ARHGAP6: variants seen among roughly 807,000 people sequenced by gnomAD.
ARHGAP6 encodes rho GTPase-activating protein 6.
A neutral mutation model predicts 55.7 loss-of-function variants in ARHGAP6; 16 were observed. The observed-to-expected ratio is 0.29, with a 90% CI of 0.19 to 0.44. ARHGAP6 has a LOEUF of 0.44. Among genes scored for constraint, ARHGAP6 ranks in the 20% least tolerant of loss-of-function variants. ARHGAP6 has a pLI of 1.00. For synonymous variants in ARHGAP6, 382 were observed against 360.9 expected (o/e 1.06, Z -0.66); for missense variants, 698 against 808.9 (o/e 0.86, Z 1.66).
intron 1 of ARHGAP6, among the ~76,000 whole-genome samples, chrX:11,604,622 A>C (rs773269396): frequency 8.9e-6 from 1 of 112,097 alleles, no homozygotes; most frequent in Non-Finnish European, 1.9e-5. Context: ...TCCAAATAAA[A>C]GTATTTGTGG....
chrX:11,660,854 T>A (rs1448932595), intron 1 of ARHGAP6, among the ~76,000 whole-genome samples: 1 of 111,077 alleles, frequency 9.0e-6, no homozygotes, highest in African/African-American at 3.3e-5. Context: ...AAATGTTCTC[T>A]GGACAGTGAA....
At chrX:11,482,185 G>T (rs1030949736) in intron 1 of ARHGAP6, among the ~76,000 whole-genome samples, 1 of 112,056 alleles carries the variant, frequency 8.9e-6, no homozygotes, top group Non-Finnish European at 1.9e-5. Context: ...TCTACAGTGC[G>T]CAGGATAGTC....
At chrX:11,414,188 T>C (rs2049721322) in intron 1 of ARHGAP6, among the ~76,000 whole-genome samples, 1 of 112,124 alleles carries the variant, frequency 8.9e-6, no homozygotes, top group Admixed American at 9.5e-5. Context: ...AGAGTAAACA[T>C]TTTAGGCTTT....
chrX:11,622,127 T>C (rs1413171265), intron 1 of ARHGAP6, among the ~76,000 whole-genome samples: 1 of 112,035 alleles, frequency 8.9e-6, no homozygotes, highest in African/African-American at 3.2e-5. Flanking sequence ...AAAAGAACTA[T>C]GAAAGGATTC....
chrX:11,436,166 T>C (rs2049985284), intron 1 of ARHGAP6, among the ~76,000 whole-genome samples: 1 of 112,621 alleles, frequency 8.9e-6, no homozygotes, highest in Admixed American at 9.4e-5. Flanking sequence ...TTGTTTTCTC[T>C]TATCTTAGCA....
chrX:11,181,881 T>G (rs1270434767), intron 6 of ARHGAP6, among the ~76,000 whole-genome samples, 182 bp downstream of exon 6: 1 of 110,384 alleles, frequency 9.1e-6, no homozygotes, highest in Non-Finnish European at 1.9e-5. Context: ...TGATCCTAAC[T>G]GTAACAACAT....
chrX:11,227,796 TTTTC>T (rs1368120255), intron 2 of ARHGAP6, among the ~76,000 whole-genome samples: 1 of 109,755 alleles, frequency 9.1e-6, no homozygotes, highest in African/African-American at 3.3e-5. Flanking sequence ...TCTTTTTCTT[TTTTC>T]TTTTTTTTTT....
chrX:11,234,134 G>C (rs1258100496), intron 2 of ARHGAP6, among the ~76,000 whole-genome samples: 1 of 112,477 alleles, frequency 8.9e-6, no homozygotes, highest in African/African-American at 3.2e-5. Context: ...CTCTTTGAAA[G>C]CATCTATTGT....
intron 1 of ARHGAP6, among the ~76,000 whole-genome samples, chrX:11,631,865 A>G (rs1035877221): frequency 8.9e-6 from 1 of 111,906 alleles, no homozygotes; most frequent in African/African-American, 3.2e-5. Context: ...CATGTCATAA[A>G]ATATTGTTTT....
chrX:11,416,104 T>C (rs1032388935), intron 1 of ARHGAP6, among the ~76,000 whole-genome samples: 1 of 111,649 alleles, frequency 9.0e-6, no homozygotes, highest in Non-Finnish European at 1.9e-5. Context: ...TCCTTTCTAA[T>C]GACGCCTTAA....
At chrX:11,502,287 A>G (rs1249324737) in intron 1 of ARHGAP6, among the ~76,000 whole-genome samples, 2 of 112,551 alleles carry the variant, frequency 1.8e-5, no homozygotes, top group East Asian at 5.6e-4. Flanking sequence ...AAATTAATCT[A>G]TGGAGTTACA....
intron 1 of ARHGAP6, among the ~76,000 whole-genome samples, chrX:11,403,147 C>T (rs1193298609): frequency 9.0e-6 from 1 of 111,678 alleles, no homozygotes; most frequent in African/African-American, 3.3e-5. Flanking sequence ...ATCCTCCCCA[C>T]CTGTGAAGAT....
intron 1 of ARHGAP6, among the ~76,000 whole-genome samples, chrX:11,472,167 C>G (rs748247254): frequency 9.0e-6 from 1 of 111,265 alleles, no homozygotes; most frequent in East Asian, 2.8e-4. Flanking sequence ...GAGGGTGGTT[C>G]TGTGCATTGT....
At chrX:11,305,460 G>C (rs755278593) in intron 1 of ARHGAP6, among the ~76,000 whole-genome samples, 1 of 112,371 alleles carries the variant, frequency 8.9e-6, no homozygotes, top group Non-Finnish European at 1.9e-5. Context: ...ACTTAGAAGT[G>C]AGTATTTGTT....
intron 1 of ARHGAP6, among the ~76,000 whole-genome samples, chrX:11,641,043 G>A (rs1485872848): frequency 9.8e-6 from 1 of 102,021 alleles, no homozygotes; most frequent in Non-Finnish European, 2.0e-5. Context: ...CACAGAGATT[G>A]AGTAACCCAT....
chrX:11,155,420 C>T (rs767214291), intron 10 of ARHGAP6, among the ~76,000 whole-genome samples: 17 of 111,284 alleles, frequency 1.5e-4, no homozygotes, highest in Non-Finnish European at 3.2e-4. Flanking sequence ...CCATCTCAGC[C>T]TCACGAGTAG....
At chrX:11,330,484 A>C (rs1039656395) in intron 1 of ARHGAP6, among the ~76,000 whole-genome samples, 1 of 111,631 alleles carries the variant, frequency 9.0e-6, no homozygotes, top group African/African-American at 3.3e-5. Flanking sequence ...GGTTAACGAG[A>C]TGCATGTGGG....
At chrX:11,600,450 A>T (rs2051955540) in intron 1 of ARHGAP6, among the ~76,000 whole-genome samples, 2 of 112,167 alleles carry the variant, frequency 1.8e-5, no homozygotes, top group African/African-American at 6.5e-5. Context: ...TGTGGAACAG[A>T]TATTATTGAT....
intron 10 of ARHGAP6, among the ~76,000 whole-genome samples, chrX:11,152,596 A>C (rs992802692): frequency 2.2e-4 from 25 of 111,720 alleles, no homozygotes; most frequent in African/African-American, 7.5e-4. Flanking sequence ...CACAGTCTTC[A>C]AAGTTCACTG....
Sources: gnomAD v4.1 joint callset for allele counts (sites outside exome capture counted in the v4.1 genomes callset) on GRCh38, gnomAD v4.1.1 for gene constraint, MANE v1.5 for transcripts, NCBI Gene and HGNC (gene_info 2026-07-23, HGNC 2026-07-21) for gene names.